The following FHIT variants were observed in gnomAD, a reference collection of about 807,000 sequenced individuals.
FHIT encodes the protein fragile histidine triad diadenosine triphosphatase.
A neutral mutation model predicts 17.9 loss-of-function variants in FHIT; 19 were observed. The ratio of observed to expected loss-of-function variants is 1.06; its 90% CI spans 0.74 to 1.56. The LOEUF (loss-of-function observed/expected upper bound fraction) is 1.56, where lower values mean the gene tolerates loss of function less well. Ranked by LOEUF, FHIT falls within the 40% of genes most tolerant of loss-of-function variation. The pLI is 0.00. For synonymous variants in FHIT, 81 were observed against 69.7 expected (o/e 1.16, Z -0.81); for missense variants, 248 against 189.2 (o/e 1.31, Z -1.82).
chr3:60,503,111 T>C (rs2034587908), intron 5 of FHIT, among the ~76,000 whole-genome samples: 2 of 152,220 alleles, frequency 1.3e-5, no homozygotes, highest in African/African-American at 4.8e-5. Flanking sequence ...TCTTCCTTAG[T>C]TGTGTGACTT....
chr3:60,362,415 A>G (rs931995822), intron 5 of FHIT, among the ~76,000 whole-genome samples: 2 of 152,164 alleles, frequency 1.3e-5, no homozygotes, highest in Non-Finnish European at 2.9e-5. Flanking sequence ...GGGTTAACAA[A>G]ATGTGTTGTT....
chr3:59,749,565 G>C lies in FHIT; in HGVS notation c.*20C>G, dbSNP rs1223069957. On this transcript the variant is annotated 3_prime_UTR_variant, in exon 10 of 10. Transcript: ENST00000492590. ...GCAATAGCTCTTTTGCTGGAATTCA[G>C]GATCTGAAAAACATCTTAAGCCATT... 4.3e-6 allele frequency: 1 copy of C among 231,234 alleles called. No individual in the cohort carries two copies. The highest frequency in any genetic ancestry group is 8.6e-6 in the Non-Finnish European group (1 of 116,876). The allele number at this position is 231,234 out of a possible 1,614,324, so 14.3% of individuals were successfully genotyped here. A position where few individuals can be genotyped will look rare whatever the true frequency, so the allele number is the denominator to read the frequency against.
At chr3:60,718,355 C>G (rs1553707282) in intron 4 of FHIT, among the ~76,000 whole-genome samples, 1 of 152,096 alleles carries the variant, frequency 6.6e-6, no homozygotes, top group Admixed American at 6.6e-5. Flanking sequence ...ACAGAGTGGG[C>G]AGGAACATTC....
intron 5 of FHIT, among the ~76,000 whole-genome samples, chr3:60,100,986 G>C (rs560649471): frequency 1.0e-3 from 159 of 152,164 alleles, no homozygotes; most frequent in African/African-American, 3.6e-3. Flanking sequence ...TCTAATTCTT[G>C]TTGACTCTAT....
At chr3:60,693,224 C>T (rs1232757394) in intron 4 of FHIT, among the ~76,000 whole-genome samples, 2 of 152,148 alleles carry the variant, frequency 1.3e-5, no homozygotes, top group East Asian at 1.9e-4. Context: ...TGCTGATCCA[C>T]CTAAGTCACT....
intron 5 of FHIT, among the ~76,000 whole-genome samples, chr3:60,308,857 TACAA>T (rs1255697002): frequency 1.3e-5 from 2 of 152,168 alleles, no homozygotes; most frequent in Non-Finnish European, 2.9e-5. Flanking sequence ...CATATTCAAA[TACAA>T]ACAGAGAGTA....
chr3:60,999,229 C>T (rs1020217650), intron 3 of FHIT, among the ~76,000 whole-genome samples: 1 of 152,036 alleles, frequency 6.6e-6, no homozygotes, highest in African/African-American at 2.4e-5. Flanking sequence ...ACTTAGCATG[C>T]AGGGTCTAAA....
At position 60,534,172 on chromosome 3, in the gene FHIT, A is replaced by G. The variant is rs968982270; in HGVS notation, c.103+2688T>C. On this transcript the variant is annotated intron_variant, in intron 5 of 9. Transcript: ENST00000492590. ...GCCGGGCGCGGTGGCTCACGCCTGTAATCCCAGCACTTTGGGAGGCCGAGG... is the reference window on the plus strand; with the variant it reads ...GCCGGGCGCGGTGGCTCACGCCTGTGATCCCAGCACTTTGGGAGGCCGAGG... Among the ~76,000 whole-genome samples the G allele has an allele frequency of 3.3e-5, 5 of 151,538 alleles. 1 individual carries two copies.
At chr3:60,772,478 T>C (rs1483913549) in intron 4 of FHIT, among the ~76,000 whole-genome samples, 1 of 152,116 alleles carries the variant, frequency 6.6e-6, no homozygotes, top group Admixed American at 6.5e-5. Flanking sequence ...TCTTTATAAA[T>C]GTTGTATCAA....
intron 1 of FHIT, among the ~76,000 whole-genome samples, chr3:61,225,393 T>C (rs191346527): frequency 6.6e-6 from 1 of 152,310 alleles, no homozygotes; most frequent in Non-Finnish European, 1.5e-5. Flanking sequence ...AAATTGAAAA[T>C]ATTTGACAGA....
chr3:59,966,946 T>C (rs1314554143), intron 7 of FHIT, among the ~76,000 whole-genome samples: 4 of 152,216 alleles, frequency 2.6e-5, no homozygotes, highest in African/African-American at 4.8e-5. Flanking sequence ...TGTAATAACA[T>C]GTAGCTTAAA....
chr3:60,858,989 G>A (rs1553750684), intron 3 of FHIT, among the ~76,000 whole-genome samples: 2 of 152,134 alleles, frequency 1.3e-5, no homozygotes, highest in African/African-American at 4.8e-5. Flanking sequence ...ACAAAAACTT[G>A]GAATGCAATC....
In FHIT at chr3:59,929,877, G is replaced by A. The variant is rs574210362; in HGVS notation, c.280-7463C>T. ...GATACACGCTTTTTTTTTTTTTTTA[G>A]TCTCAATTGCCCCAGACAAAAACCC... On this transcript the variant is annotated intron_variant, in intron 7 of 9. Transcript: ENST00000492590. Among the ~76,000 whole-genome samples the A allele has an allele frequency of 3.6e-3, 485 of 134,752 alleles. 1 individual carries two copies. Among genetic ancestry groups the A allele is most frequent in the Non-Finnish European group, 6.3e-3 (399 of 63,014 alleles). The allele number at this position is 134,752 out of a possible 152,430, so 88.4% of individuals were successfully genotyped here. A position where few individuals can be genotyped will look rare whatever the true frequency, so the allele number is the denominator to read the frequency against.
At position 60,266,870 on chromosome 3, in the gene FHIT, A is replaced by G. The variant is rs540720056; in HGVS notation, c.104-252718T>C. 3.9e-5 allele frequency among the ~76,000 whole-genome samples: 6 copies of G among 152,254 alleles called. 1 individual carries two copies. The East Asian group carries it at 1.2e-3, about 29-fold the overall frequency. ...GAAGACTTTGGGGGCTAAGACAGTG[A>G]TAAGTATTTACAAAACCAAGCAAAT... On this transcript the variant is annotated intron_variant, in intron 5 of 9. Transcript: ENST00000492590.
At chr3:60,632,137 T>C (rs1053188466) in intron 4 of FHIT, among the ~76,000 whole-genome samples, 2 of 151,974 alleles carry the variant, frequency 1.3e-5, no homozygotes, top group African/African-American at 2.4e-5. Context: ...GTTTCAAAAA[T>C]GGGGGAAAAT....
intron 5 of FHIT, among the ~76,000 whole-genome samples, chr3:60,510,064 T>G (rs1156753080): frequency 2.0e-5 from 3 of 152,164 alleles, no homozygotes; most frequent in Non-Finnish European, 4.4e-5. Flanking sequence ...CCATCTTTAT[T>G]TTTGTCTCTG....
intron 8 of FHIT, among the ~76,000 whole-genome samples, chr3:59,881,014 AAAGT>A (rs1703387492): frequency 6.6e-6 from 1 of 152,200 alleles, no homozygotes; most frequent in Non-Finnish European, 1.5e-5. Flanking sequence ...ACAGCACTTG[AAAGT>A]GAAAGAAAAA....
intron 5 of FHIT, among the ~76,000 whole-genome samples, chr3:60,484,797 T>C (rs1296986717): frequency 1.3e-5 from 2 of 152,204 alleles, no homozygotes; most frequent in East Asian, 1.9e-4. Flanking sequence ...AAGGTCAAAA[T>C]TGACAAATGG....
At chr3:60,102,048 T>G (rs956636685) in intron 5 of FHIT, among the ~76,000 whole-genome samples, 14 of 152,220 alleles carry the variant, frequency 9.2e-5, no homozygotes, top group African/African-American at 3.4e-4. Flanking sequence ...GTGGCAACAA[T>G]CTGTCAGAAA....
Sources: gnomAD v4.1 joint callset for allele counts (sites outside exome capture counted in the v4.1 genomes callset) on GRCh38, gnomAD v4.1.1 for gene constraint, MANE v1.5 for transcripts, NCBI Gene and HGNC (gene_info 2026-07-23, HGNC 2026-07-21) for gene names.